The following DIPK1C variants were observed in gnomAD, a reference collection of about 807,000 sequenced individuals.
DIPK1C encodes divergent protein kinase domain 1C.
DIPK1C carries 33 observed loss-of-function variants against 28.0 expected under a neutral mutation model. That is an observed-to-expected ratio of 1.18 (90% CI 0.89 to 1.58). DIPK1C has a LOEUF of 1.58. DIPK1C is among the 40% of genes most tolerant of loss of function. The pLI, the probability that DIPK1C is intolerant of heterozygous loss-of-function variation, is 0.00. For missense variants in DIPK1C, 569 were observed against 568.5 expected, an observed-to-expected ratio of 1.00 and a Z score of -0.01; for synonymous variants, 255 against 248.8, an observed-to-expected ratio of 1.02 and a Z score of -0.23.
In DIPK1C at chr18:74,457,303, C is replaced by A; in HGVS notation, c.-44G>T. 1 of 982,464 alleles carries A rather than the reference C, an allele frequency of 1.0e-6. No individual in the cohort carries two copies. Among genetic ancestry groups the A allele is most frequent in the Non-Finnish European group, 1.2e-6 (1 of 827,768 alleles). The allele number at this position is 982,464 out of a possible 1,614,324, so 60.9% of individuals were successfully genotyped here. ...CCGGGCCCCACCGCCGCCCGCGCCC[C>A]GAGTTCCGCACTCGCGTAGCTGCTC... On this transcript the variant is annotated 5_prime_UTR_variant, in exon 1 of 4. Transcript: ENST00000343998.
chr18:74,463,468 G>T, the DIPK1C span, among the ~76,000 whole-genome samples: 2 of 151,924 alleles, frequency 1.3e-5, no homozygotes, highest in Admixed American at 6.6e-5. Context: ...TTTTTTGGCC[G>T]CCCTTCTTGT....
chr18:74,437,801 C>T (rs1986032071), intron 3 of DIPK1C, among the ~76,000 whole-genome samples: 1 of 152,224 alleles, frequency 6.6e-6, no homozygotes, highest in African/African-American at 2.4e-5. Flanking sequence ...ATACACACTT[C>T]CTTTTCCTTT....
In DIPK1C at chr18:74,446,639, C is replaced by CT; in HGVS notation, c.842dup (p.Pro282AlafsTer16). On this transcript the variant is annotated frameshift_variant, in exon 2 of 4. Coordinates refer to ENST00000343998, the MANE Select transcript of DIPK1C (RefSeq NM_001044369.3). LOFTEE classifies it high-confidence loss of function. ...CGCTCCGGATGGCAAAGTTTTCCGG[C>CT]TTGATGTCGCAGAGGTGGAGGCGGT... 6.8e-7 allele frequency: 1 copy of CT among 1,473,126 alleles called. No homozygotes were observed. Among genetic ancestry groups the CT allele is most frequent in the Non-Finnish European group, 9.0e-7 (1 of 1,109,192 alleles). The allele number at this position is 1,473,126 out of a possible 1,614,324, so 91.3% of individuals were successfully genotyped here. A position where few individuals can be genotyped will look rare whatever the true frequency, so the allele number is the denominator to read the frequency against.
upstream of DIPK1C, among the ~76,000 whole-genome samples, chr18:74,461,359 C>CCTTCCTTCCTTCCTTCCTTT: frequency 6.8e-6 from 1 of 147,532 alleles, no homozygotes; most frequent in Non-Finnish European, 1.5e-5. Flanking sequence ...TTCCTTCCTT[C>CCTTCCTTCCTTCCTTCCTTT]CTTCCTTCCT....
intron 2 of DIPK1C, among the ~76,000 whole-genome samples, 170 bp downstream of exon 2, chr18:74,446,436 T>C (rs1045153974): frequency 1.3e-5 from 2 of 152,196 alleles, no homozygotes; most frequent in African/African-American, 4.8e-5. Context: ...CATCTGTTCC[T>C]TACTAACACC....
In DIPK1C at chr18:74,446,968, A is replaced by G; in HGVS notation, c.514T>C (p.Trp172Arg). ...ELSNSSLGPW[W>R]PGRRGPRWRG... ...CAGCGTGGGCCCCGCCTGCCCGGCC[A>G]CCACGGCCCCAGGCTGCTGTTGGAC... The change falls in exon 2 of 4, where the codon TGG becomes CGG. Residue 172 changes from tryptophan (W) to arginine (R), a missense_variant. Coordinates refer to ENST00000343998, the MANE Select transcript of DIPK1C (RefSeq NM_001044369.3). The G allele has an allele frequency of 1.3e-6, 2 of 1,510,514 alleles. No individual in the cohort carries two copies. The highest frequency in any genetic ancestry group is 1.8e-6 in the Non-Finnish European group (2 of 1,124,146). 93.6% of individuals were successfully genotyped at this position (1,510,514 alleles called of 1,614,324 possible).
chr18:74,444,568 A>G (rs145292097), intron 2 of DIPK1C, among the ~76,000 whole-genome samples: 149 of 152,314 alleles, frequency 9.8e-4, no homozygotes, highest in African/African-American at 3.1e-3. Flanking sequence ...TTCAGATTCA[A>G]TAGGTCTGGC....
chr18:74,456,883 TGCGTCCCCATTCGGGGGACCGGG>T (rs1411761371), intron 1 of DIPK1C, among the ~76,000 whole-genome samples, 156 bp downstream of exon 1: 1 of 152,038 alleles, frequency 6.6e-6, no homozygotes, highest in Non-Finnish European at 1.5e-5. Context: ...CACTGCCGGC[TGCGTCCCCATTCGGGGGACCGGG>T]GCGTGCGCCT....
chr18:74,445,528 T>G (rs2144519883), intron 2 of DIPK1C, among the ~76,000 whole-genome samples: 1 of 152,356 alleles, frequency 6.6e-6, no homozygotes, highest in East Asian at 1.9e-4. Flanking sequence ...TCCAGCTGCT[T>G]TCAGAAGACC....
rs904425096 is a variant in DIPK1C, at chr18:74,436,237, T to G, written c.*264A>C. 5 of 502,246 alleles carry G rather than the reference T, an allele frequency of 1.0e-5. No homozygotes were observed. The Admixed American group carries it at 1.9e-4, about 19-fold the overall frequency. 31.1% of individuals were successfully genotyped at this position (502,246 alleles called of 1,614,324 possible). On this transcript the variant is annotated 3_prime_UTR_variant, in exon 4 of 4. Coordinates refer to ENST00000343998, the MANE Select transcript of DIPK1C (RefSeq NM_001044369.3). Reference sequence around the variant, plus strand: ...CAGAGAATAAGTGCACACAGGTTGGTGTCTTCTGACCGAGAGCCCTCCTGA... The same window carrying G: ...CAGAGAATAAGTGCACACAGGTTGGGGTCTTCTGACCGAGAGCCCTCCTGA...
chr18:74,463,595 T>G, the DIPK1C span, among the ~76,000 whole-genome samples: 1 of 152,016 alleles, frequency 6.6e-6, no homozygotes, highest in African/African-American at 2.4e-5. Flanking sequence ...CACCCCCACG[T>G]ACCCGGCACT....
chr18:74,449,548 C>T (rs893929615), intron 1 of DIPK1C, among the ~76,000 whole-genome samples: 3 of 152,230 alleles, frequency 2.0e-5, no homozygotes, highest in Non-Finnish European at 4.4e-5. Flanking sequence ...TGACTGCCCC[C>T]CTGGCTTCCT....
intron 1 of DIPK1C, among the ~76,000 whole-genome samples, chr18:74,450,320 T>C (rs533389156): frequency 5.3e-5 from 8 of 152,316 alleles, no homozygotes; most frequent in African/African-American, 1.9e-4. Flanking sequence ...TTATCACATA[T>C]CTAATTTAAT....
chr18:74,442,122 AT>A lies in DIPK1C; in HGVS notation c.877-7del. ...TCCACATCAATAGCCACCACCTGTA[AT>A]CAAAACAGCACGGGGCTATCAAAGG... On this transcript the variant is annotated splice_region_variant and splice_polypyrimidine_tract_variant and intron_variant, in intron 2 of 3. Transcript: ENST00000343998. 1.2e-6 allele frequency: 2 copies of A among 1,613,926 alleles called. No homozygotes were observed. Among genetic ancestry groups the A allele is most frequent in the Non-Finnish European group, 1.7e-6 (2 of 1,179,956 alleles).
In DIPK1C at chr18:74,442,046, G is replaced by C. The variant is rs1038660331; in HGVS notation, c.947C>G (p.Thr316Arg). 1 of 1,613,972 alleles carries C rather than the reference G, an allele frequency of 6.2e-7. No individual in the cohort carries two copies. Among genetic ancestry groups the C allele is most frequent in the African/African-American group, 1.3e-5 (1 of 74,914 alleles). Residue 316 changes from threonine (T) to arginine (R), a missense_variant, in exon 3 of 4, where the codon ACA (threonine) becomes AGA (arginine). Thr to Arg is a moderately conservative substitution (Grantham distance 71). Transcript: ENST00000343998. Reference protein sequence around the residue: ...KMREILEQNCTGDEDCNFFDC... With the variant: ...KMREILEQNCRGDEDCNFFDC... ...AAAGAAATTGCAGTCTTCATCTCCT[G>C]TGCAGTTTTGCTCAAGGATTTCCCT...
rs753368911 is a variant in DIPK1C, at chr18:74,436,688, A to G, written c.1073T>C (p.Phe358Ser). Residue 358 changes from phenylalanine (F) to serine (S), a missense_variant, in exon 4 of 4, where the codon TTT becomes TCT. Transcript: ENST00000343998. ...VICDKIFRHW[F>S]SAPLKSSAVS... ...CGCAGAGCTCTTGAGAGGCGCGGAAAACCAATGGCGAAATATTTTGTCACA... is the reference window on the plus strand; with the variant it reads ...CGCAGAGCTCTTGAGAGGCGCGGAAGACCAATGGCGAAATATTTTGTCACA... 3 of 1,613,704 alleles carry G rather than the reference A, an allele frequency of 1.9e-6. No homozygotes were observed. The highest frequency in any genetic ancestry group is 1.7e-6 in the Non-Finnish European group (2 of 1,179,904).
chr18:74,442,257 G>T (rs1986145881), intron 2 of DIPK1C, 141 bp from the exon 3 acceptor site: 1 of 915,938 alleles, frequency 1.1e-6, no homozygotes, highest in Non-Finnish European at 1.6e-6. Context: ...AGAGCCAAGA[G>T]GAAAGCCCCA....
Position 74,457,196 on chromosome 18 carries a change from G to A in DIPK1C, c.64C>T (p.Arg22Trp), listed in dbSNP as rs1031972327. ...GCGGCGAAGGCGAGGAGCGTGCCCC[G>A]CCCGCAGCGCCCGCGCCTCCTGCAC... ...GWCRRRGRCG[R>W]GTLLAFAAWT... The change falls in exon 1 of 4, where the codon CGG (arginine) becomes TGG (tryptophan). Residue 22 changes from arginine (R) to tryptophan (W), a missense_variant. Physicochemically the swap from Arg to Trp is moderately radical, Grantham distance 101. Coordinates refer to ENST00000343998, the MANE Select transcript of DIPK1C (RefSeq NM_001044369.3). 13 of 1,204,764 alleles carry A rather than the reference G, an allele frequency of 1.1e-5. No homozygotes were observed. The highest frequency in any genetic ancestry group is 1.3e-5 in the Non-Finnish European group (13 of 972,116). 74.6% of individuals were successfully genotyped at this position (1,204,764 alleles called of 1,614,324 possible).
intron 3 of DIPK1C, among the ~76,000 whole-genome samples, chr18:74,440,651 T>G (rs1013493600): frequency 1.3e-5 from 2 of 152,242 alleles, no homozygotes; most frequent in African/African-American, 4.8e-5. Context: ...CAATTTTCTG[T>G]GTGTTCCTCT....
Sources: gnomAD v4.1 joint callset for allele counts (sites outside exome capture counted in the v4.1 genomes callset) on GRCh38, gnomAD v4.1.1 for gene constraint, MANE v1.5 for transcripts, NCBI Gene and HGNC (gene_info 2026-07-23, HGNC 2026-07-21) for gene names.